NLGN1: variants seen among roughly 807,000 people sequenced by gnomAD.
NLGN1 encodes neuroligin-1.
A neutral mutation model predicts 65.5 loss-of-function variants in NLGN1; 12 were observed. The observed-to-expected ratio is 0.18, with a 90% confidence interval of 0.12 to 0.30. The LOEUF is 0.30. Ranked by LOEUF, NLGN1 falls within the 10% of genes least tolerant of loss-of-function variation. The pLI, the probability that NLGN1 is intolerant of heterozygous loss-of-function variation, is 1.00. For synonymous variants in NLGN1, 350 were observed against 359.5 expected, an observed-to-expected ratio of 0.97 and a Z score of 0.30; for missense variants, 750 against 1,007.1, an observed-to-expected ratio of 0.74 and a Z score of 3.46.
intron 3 of NLGN1, among the ~76,000 whole-genome samples, chr3:173,792,021 G>A (rs1285007879): frequency 6.6e-6 from 1 of 152,146 alleles, no homozygotes; most frequent in Non-Finnish European, 1.5e-5. Flanking sequence ...GACAGAGGCA[G>A]AGAGAGAAAG....
chr3:173,916,047 C>T (rs1039685621), intron 4 of NLGN1, among the ~76,000 whole-genome samples: 1 of 152,090 alleles, frequency 6.6e-6, no homozygotes, highest in African/African-American at 2.4e-5. Context: ...GCATGTTTTA[C>T]TCCTCTGAGC....
intron 2 of NLGN1, among the ~76,000 whole-genome samples, chr3:173,529,577 C>A (rs757679340): frequency 1.3e-5 from 2 of 152,112 alleles, no homozygotes; most frequent in Non-Finnish European, 2.9e-5. Flanking sequence ...TTTATCACAC[C>A]CCTGTCCTGG....
intron 3 of NLGN1, among the ~76,000 whole-genome samples, chr3:173,681,068 T>A (rs77037948): frequency 0.029 from 4,376 of 152,276 alleles, 89 homozygotes; most frequent in Middle Eastern, 0.044. Flanking sequence ...TTATTTGAAA[T>A]TTTTTAGGCT....
intron 4 of NLGN1, among the ~76,000 whole-genome samples, chr3:174,274,838 A>G (rs1234694189): frequency 6.6e-6 from 1 of 151,814 alleles, no homozygotes; most frequent in Non-Finnish European, 1.5e-5. Context: ...TACAAGTCTT[A>G]CAGAAATACC....
At chr3:173,571,268 T>C (rs940420280) in intron 2 of NLGN1, among the ~76,000 whole-genome samples, 2 of 152,204 alleles carry the variant, frequency 1.3e-5, no homozygotes, top group African/African-American at 4.8e-5. Context: ...CTTGTCTTGA[T>C]TTTTTTCCAA....
At chr3:173,888,099 G>T (rs931571761) in intron 4 of NLGN1, among the ~76,000 whole-genome samples, 29 of 151,870 alleles carry the variant, frequency 1.9e-4, no homozygotes, top group Admixed American at 1.6e-3. Context: ...TAAAATCTTT[G>T]TGAATCACAA....
At chr3:173,452,890 T>C (rs1348876585) in intron 2 of NLGN1, among the ~76,000 whole-genome samples, 1 of 152,206 alleles carries the variant, frequency 6.6e-6, no homozygotes, top group Non-Finnish European at 1.5e-5. Flanking sequence ...TACATGACAC[T>C]GTATTTTAAT....
At chr3:173,933,895 T>G (rs1744580867) in intron 4 of NLGN1, among the ~76,000 whole-genome samples, 1 of 151,210 alleles carries the variant, frequency 6.6e-6, no homozygotes, top group Non-Finnish European at 1.5e-5. Flanking sequence ...TTAAGATATC[T>G]GTCAGATCAC....
chr3:173,613,676 T>G (rs2149478715), intron 3 of NLGN1, among the ~76,000 whole-genome samples: 1 of 152,258 alleles, frequency 6.6e-6, no homozygotes, highest in Middle Eastern at 3.4e-3. Context: ...AACAACGTTA[T>G]TTTTAAAATA....
chr3:174,029,675 C>A (rs1160112899), intron 4 of NLGN1, among the ~76,000 whole-genome samples: 1 of 152,122 alleles, frequency 6.6e-6, no homozygotes, highest in Non-Finnish European at 1.5e-5. Flanking sequence ...GAGTCCCCAC[C>A]CAAATCTCAC....
intron 3 of NLGN1, among the ~76,000 whole-genome samples, chr3:173,700,671 A>G (rs1766994299): frequency 6.6e-6 from 1 of 152,196 alleles, no homozygotes; most frequent in Admixed American, 6.5e-5. Flanking sequence ...TATTACTTGA[A>G]TCTAATTTCT....
chr3:173,856,372 C>T (rs1274936814), intron 4 of NLGN1, among the ~76,000 whole-genome samples: 3 of 152,224 alleles, frequency 2.0e-5, no homozygotes, highest in Middle Eastern at 3.4e-3. Context: ...GGTATTACAT[C>T]TATTTGGCAA....
At chr3:174,066,062 A>G (rs1474541232) in intron 4 of NLGN1, among the ~76,000 whole-genome samples, 1 of 152,210 alleles carries the variant, frequency 6.6e-6, no homozygotes, top group African/African-American at 2.4e-5. Flanking sequence ...TGGATTTGTA[A>G]GACTGCTTTT....
Position 173,668,104 on chromosome 3 carries a change from G to A in NLGN1, c.493+63013G>A, listed in dbSNP as rs16848083. 6.6e-3 allele frequency among the ~76,000 whole-genome samples: 1,003 copies of A among 152,166 alleles called. 14 individuals are homozygous for A. Among genetic ancestry groups the A allele is most frequent in the African/African-American group, 0.023 (954 of 41,506 alleles). ...AGCTTACAGTCTAGTAGGAAGAAAC[G>A]GACCTGTGAATAATATGATCATTTA... On this transcript the variant is annotated intron_variant, in intron 3 of 6. Coordinates refer to ENST00000457714, the Ensembl canonical transcript of NLGN1.
chr3:174,158,462 T>G (rs914787102), intron 4 of NLGN1, among the ~76,000 whole-genome samples: 6 of 151,638 alleles, frequency 4.0e-5, no homozygotes, highest in African/African-American at 1.5e-4. Flanking sequence ...CAATATAAAA[T>G]AGAATATCAT....
intron 4 of NLGN1, among the ~76,000 whole-genome samples, chr3:174,007,559 G>A (rs960661186): frequency 3.9e-5 from 6 of 152,144 alleles, no homozygotes; most frequent in African/African-American, 1.4e-4. Flanking sequence ...CTTAGGATGG[G>A]TTATAGCCAA....
At chr3:174,087,107 C>T (rs1479375294) in intron 4 of NLGN1, among the ~76,000 whole-genome samples, 1 of 152,110 alleles carries the variant, frequency 6.6e-6, no homozygotes, top group Non-Finnish European at 1.5e-5. Flanking sequence ...ACAATACACA[C>T]TGGAGCCCAC....
rs575531566 is a variant in NLGN1 at position 174,026,894 on chromosome 3, T to C, written c.646+219062T>C. ...TTTATATTGCATACTGCTTTTGTAC[T>C]AAATATTTACATAATATATTCATGT... On this transcript the variant is annotated intron_variant, in intron 4 of 6. Coordinates refer to ENST00000457714, the Ensembl canonical transcript of NLGN1. Among the ~76,000 whole-genome samples, 13 of 152,092 alleles carry C rather than the reference T, an allele frequency of 8.5e-5. No individual in the cohort carries two copies. The South Asian group carries it at 2.7e-3, about 32-fold the overall frequency.
intron 2 of NLGN1, among the ~76,000 whole-genome samples, chr3:173,491,246 C>G (rs913116962): frequency 1.3e-5 from 2 of 151,766 alleles, no homozygotes; most frequent in Non-Finnish European, 2.9e-5. Flanking sequence ...ATAGATAGCT[C>G]TTATTATTTT....
Sources: gnomAD v4.1 joint callset for allele counts (sites outside exome capture counted in the v4.1 genomes callset) on GRCh38, gnomAD v4.1.1 for gene constraint, MANE v1.5 for transcripts, NCBI Gene and HGNC (gene_info 2026-07-23, HGNC 2026-07-21) for gene names.